The following GNA12 variants were observed in gnomAD, a reference collection of about 807,000 sequenced individuals.
GNA12 encodes guanine nucleotide-binding protein subunit alpha-12.
GNA12 carries 9 observed loss-of-function variants against 26.0 expected under a neutral mutation model. The ratio of observed to expected loss-of-function variants is 0.35; its 90% CI spans 0.21 to 0.60. The LOEUF (loss-of-function observed/expected upper bound fraction) is 0.60. GNA12 is among the 20% of genes least tolerant of loss of function. GNA12 has a pLI of 0.78. For synonymous variants in GNA12, 264 were observed against 219.6 expected (o/e 1.20, Z -1.79); for missense variants, 405 against 525.8 (o/e 0.77, Z 2.25).
At chr7:2,755,455 T>C (rs1358333275) in intron 2 of GNA12, among the ~76,000 whole-genome samples, 1 of 152,236 alleles carries the variant, frequency 6.6e-6, no homozygotes, top group Non-Finnish European at 1.5e-5. Flanking sequence ...ACAAGTCCTC[T>C]AGATGTTGTG....
chr7:2,824,327 T>C (rs117712046), intron 1 of GNA12, among the ~76,000 whole-genome samples: 1,828 of 152,246 alleles, frequency 0.012, 9 homozygotes, highest in Non-Finnish European at 0.018. Context: ...GTCTTCCCAG[T>C]GGCCTGCACC....
In GNA12 at chr7:2,794,925, C is replaced by T. The variant is rs756146751; in HGVS notation, c.525+3G>A. The T allele has an allele frequency of 8.7e-6, 14 of 1,608,718 alleles. No individual in the cohort carries two copies. In the East Asian group the frequency reaches 2.9e-4, roughly 33 times the overall value. ...TGCCCAGCAAGAAGGCCTACTCACT[C>T]ACCAGCTGAAACTCGCTTCTCCGGC... On this transcript the variant is annotated splice_donor_region_variant and intron_variant, in intron 2 of 3. Transcript: ENST00000275364.
At chr7:2,811,250 T>C (rs982762973) in intron 1 of GNA12, among the ~76,000 whole-genome samples, 17 of 152,150 alleles carry the variant, frequency 1.1e-4, no homozygotes, top group Admixed American at 5.2e-4. Context: ...GCACAACATC[T>C]ACACCTGGCC....
At chr7:2,781,966 T>C (rs10254662) in intron 2 of GNA12, among the ~76,000 whole-genome samples, 19,665 of 152,236 alleles carry the variant, frequency 0.13, 1,371 homozygotes, top group Middle Eastern at 0.19. Flanking sequence ...CATAGATGTA[T>C]AGATTGAGAG....
At chr7:2,734,779 G>A (rs1012186498) in intron 2 of GNA12, among the ~76,000 whole-genome samples, 4 of 152,168 alleles carry the variant, frequency 2.6e-5, no homozygotes, top group African/African-American at 9.7e-5. Flanking sequence ...CCTGTGTTGA[G>A]CGAGCACACA....
At chr7:2,740,032 C>G (rs777078921) in intron 2 of GNA12, among the ~76,000 whole-genome samples, 1 of 152,166 alleles carries the variant, frequency 6.6e-6, no homozygotes, top group East Asian at 1.9e-4. Context: ...TCCACGGCGG[C>G]TGCACAAGTT....
chr7:2,787,746 C>G (rs946608742), intron 2 of GNA12, among the ~76,000 whole-genome samples: 5 of 152,242 alleles, frequency 3.3e-5, no homozygotes, highest in African/African-American at 9.6e-5. Context: ...TGTCATTTCG[C>G]CCCTACAGCA....
intron 1 of GNA12, among the ~76,000 whole-genome samples, chr7:2,818,494 G>A (rs748078935): frequency 1.3e-5 from 2 of 152,206 alleles, no homozygotes; most frequent in African/African-American, 2.4e-5. Context: ...CTGGTGCGGT[G>A]GCTCATGCCT....
intron 2 of GNA12, among the ~76,000 whole-genome samples, chr7:2,787,953 A>G (rs1299170590): frequency 6.6e-6 from 1 of 152,212 alleles, no homozygotes; most frequent in Non-Finnish European, 1.5e-5. Context: ...CAAGAGTTGG[A>G]GACCAGCATG....
At chr7:2,783,270 A>T (rs1792274735) in intron 2 of GNA12, among the ~76,000 whole-genome samples, 1 of 152,134 alleles carries the variant, frequency 6.6e-6, no homozygotes, top group South Asian at 2.1e-4. Context: ...TGGGTATGTT[A>T]TCTGTTTGGT....
chr7:2,822,791 G>A (rs539568287), intron 1 of GNA12, among the ~76,000 whole-genome samples: 14 of 152,324 alleles, frequency 9.2e-5, no homozygotes, highest in South Asian at 6.2e-4. Flanking sequence ...CAGCCTGGGC[G>A]ACAGAGTAAG....
At chr7:2,823,796 CATAGA>C (rs935099208) in intron 1 of GNA12, among the ~76,000 whole-genome samples, 1 of 152,156 alleles carries the variant, frequency 6.6e-6, no homozygotes, top group East Asian at 1.9e-4. Context: ...GAGTAAACTT[CATAGA>C]ATAAAGATCA....
At chr7:2,838,280 T>TAAA (rs36115085) in intron 1 of GNA12, among the ~76,000 whole-genome samples, 2,177 of 143,714 alleles carry the variant, frequency 0.015, 25 homozygotes, top group Non-Finnish European at 0.023. Context: ...GCATTATACT[T>TAAA]AAAAAAAAAA....
intron 1 of GNA12, among the ~76,000 whole-genome samples, chr7:2,827,158 A>G (rs1793502741): frequency 1.3e-5 from 2 of 152,214 alleles, no homozygotes; most frequent in Admixed American, 6.5e-5. Flanking sequence ...ATATGATTCC[A>G]TTTATATGAA....
intron 2 of GNA12, among the ~76,000 whole-genome samples, chr7:2,777,569 G>A (rs1352686184): frequency 6.6e-6 from 1 of 152,130 alleles, no homozygotes; most frequent in African/African-American, 2.4e-5. Context: ...GACCTGATTA[G>A]TGCCCTTATA....
chr7:2,793,409 T>C (rs563936161), intron 2 of GNA12, among the ~76,000 whole-genome samples: 1 of 152,226 alleles, frequency 6.6e-6, no homozygotes, highest in East Asian at 1.9e-4. Context: ...AATTGATGCT[T>C]TCATACCGAT....
intron 2 of GNA12, among the ~76,000 whole-genome samples, chr7:2,778,466 G>C (rs559558071): frequency 6.6e-6 from 1 of 152,142 alleles, no homozygotes; most frequent in Non-Finnish European, 1.5e-5. Context: ...TTTCTTCCAT[G>C]ACACTCACAC....
rs531026102 is a variant in GNA12, at chr7:2,746,943, C to T, written c.526-13442G>A. ...GAAGAAATGGATAAATTCCTCGACA[C>T]ATACATCCTCCCAAGACTAAACCAG... On this transcript the variant is annotated intron_variant, in intron 2 of 3. Coordinates refer to ENST00000275364, the MANE Select transcript of GNA12 (RefSeq NM_007353.3). 5.2e-4 allele frequency among the ~76,000 whole-genome samples: 79 copies of T among 152,338 alleles called. 1 individual carries two copies. In the South Asian group the frequency reaches 0.016, roughly 31 times the overall value.
chr7:2,742,042 G>A (rs1790532750), intron 2 of GNA12, among the ~76,000 whole-genome samples: 1 of 150,986 alleles, frequency 6.6e-6, no homozygotes, highest in Non-Finnish European at 1.5e-5. Flanking sequence ...ATTTTTTTGA[G>A]ATGGAGTCTC....
Sources: allele counts gnomAD v4.1 joint callset (sites outside exome capture counted in the v4.1 genomes callset), GRCh38; gene constraint gnomAD v4.1.1; transcripts MANE v1.5; gene names NCBI Gene and HGNC (gene_info 2026-07-23, HGNC 2026-07-21).